CDYL: variants seen among roughly 807,000 people sequenced by gnomAD.
The protein encoded by CDYL is chromodomain Y like, also known as chromodomain Y-like protein.
Under a neutral mutation model 47.3 loss-of-function variants are expected in CDYL, and 8 were observed. The observed-to-expected ratio is 0.17, with a 90% CI of 0.10 to 0.31. CDYL has a LOEUF of 0.31. CDYL is among the 10% of genes least tolerant of loss of function. The pLI, the probability that CDYL is intolerant of heterozygous loss-of-function variation, is 1.00. For synonymous variants in CDYL, 266 were observed against 265.0 expected (o/e 1.00, Z -0.04); for missense variants, 471 against 701.4 (o/e 0.67, Z 3.71).
intron 1 of CDYL, among the ~76,000 whole-genome samples, chr6:4,787,921 G>A (rs963578431): frequency 8.6e-5 from 13 of 151,784 alleles, no homozygotes; most frequent in African/African-American, 1.4e-4. Context: ...ACAGGTGTGC[G>A]CCACCACGCC....
chr6:4,748,552 A>G (rs1203108247), intron 3 of CDYL, among the ~76,000 whole-genome samples: 1 of 151,942 alleles, frequency 6.6e-6, no homozygotes, highest in Non-Finnish European at 1.5e-5. Context: ...GAAGTTCGGG[A>G]AGCCAAGAGG....
At position 4,892,024 on chromosome 6, in the gene CDYL, G is replaced by A. The variant is rs1436115080; in HGVS notation, c.336G>A (p.Leu112=). ...GKDHESKNSQ[L]FAASQKFRKN... ...ACCACGAATCCAAAAACAGCCAGCT[G>A]TTTGCTGCCAGCCAGAAGTTCAGGA... Residue 112 remains leucine (L), a synonymous_variant, in exon 2 of 7, where the codon CTG becomes CTA. Coordinates refer to ENST00000397588, the MANE Select transcript of CDYL (RefSeq NM_004824.4). The A allele has an allele frequency of 6.2e-7, 1 of 1,614,218 alleles. No homozygotes were observed. The highest frequency in any genetic ancestry group is 1.6e-4 in the Middle Eastern group (1 of 6,062).
At chr6:4,796,965 A>G (rs1408430579) in intron 1 of CDYL, among the ~76,000 whole-genome samples, 25 of 152,310 alleles carry the variant, frequency 1.6e-4, no homozygotes, top group Admixed American at 1.6e-3. Flanking sequence ...GTTGAACTAT[A>G]CAGATTCTGT....
intron 1 of CDYL, among the ~76,000 whole-genome samples, chr6:4,823,137 A>G (rs1759886507): frequency 6.6e-6 from 1 of 152,254 alleles, no homozygotes; most frequent in African/African-American, 2.4e-5. Flanking sequence ...AACAAGGAGT[A>G]GATAAGTTTA....
chr6:4,819,160 C>CTGTGTGTGTGTGTGTG (rs1242099604), intron 1 of CDYL, among the ~76,000 whole-genome samples: 2 of 124,032 alleles, frequency 1.6e-5, no homozygotes, highest in African/African-American at 8.9e-5. Flanking sequence ...CTCTCTCTCT[C>CTGTGTGTGTGTGTGTG]TCTGTGTGTG....
intron 5 of CDYL, among the ~76,000 whole-genome samples, chr6:4,949,706 T>G (rs1022691292): frequency 2.0e-5 from 3 of 152,348 alleles, no homozygotes; most frequent in Non-Finnish European, 2.9e-5. Flanking sequence ...TTGAAACCTC[T>G]CATTTTGAAA....
intron 2 of CDYL, chr6:4,724,381 G>C (rs145171847): frequency 7.9e-5 from 12 of 152,314 alleles, no homozygotes; most frequent in African/African-American, 2.6e-4. Flanking sequence ...AAAGGTGAGG[G>C]TGTCTTTCGT....
At chr6:4,905,151 C>T (rs1456639071) in intron 2 of CDYL, among the ~76,000 whole-genome samples, 1 of 152,160 alleles carries the variant, frequency 6.6e-6, no homozygotes, top group Non-Finnish European at 1.5e-5. Context: ...GACCGTGTGT[C>T]CGTCTTACTG....
At chr6:4,784,977 A>G (rs1758715767) in intron 1 of CDYL, among the ~76,000 whole-genome samples, 1 of 152,158 alleles carries the variant, frequency 6.6e-6, no homozygotes, top group East Asian at 1.9e-4. Flanking sequence ...CATGATTGTG[A>G]GGCCCCCCCA....
At chr6:4,716,804 AGGTGCTTCAG>A (rs1431435618) in intron 2 of CDYL, among the ~76,000 whole-genome samples, 1 of 152,160 alleles carries the variant, frequency 6.6e-6, no homozygotes, top group Non-Finnish European at 1.5e-5. Flanking sequence ...GCATGGAGCA[AGGTGCTTCAG>A]GGTGTTTAGC....
At chr6:4,716,777 T>C (rs1303321730) in intron 2 of CDYL, among the ~76,000 whole-genome samples, 1 of 151,860 alleles carries the variant, frequency 6.6e-6, no homozygotes, top group African/African-American at 2.4e-5. Context: ...CCGTATACGG[T>C]GTTGGGTGCA....
At chr6:4,931,671 T>G (rs968301535) in intron 2 of CDYL, among the ~76,000 whole-genome samples, 2 of 152,144 alleles carry the variant, frequency 1.3e-5, no homozygotes, top group Non-Finnish European at 2.9e-5. Flanking sequence ...AGTGCAAAGT[T>G]CAGTGTCACA....
chr6:4,860,314 C>G (rs536426115), intron 1 of CDYL, among the ~76,000 whole-genome samples: 410 of 151,712 alleles, frequency 2.7e-3, no homozygotes, highest in African/African-American at 9.6e-3. Context: ...TTGTTACCAC[C>G]GGTTCTTGCC....
chr6:4,932,885 G>A (rs1758073030), intron 2 of CDYL, among the ~76,000 whole-genome samples: 1 of 152,090 alleles, frequency 6.6e-6, no homozygotes, highest in South Asian at 2.1e-4. Flanking sequence ...TTTATTGATC[G>A]ATTTTTAGTT....
intron 3 of CDYL, among the ~76,000 whole-genome samples, chr6:4,750,189 T>C (rs935958437): frequency 6.6e-6 from 1 of 151,866 alleles, no homozygotes; most frequent in African/African-American, 2.4e-5. Context: ...AAAAAGTTTT[T>C]ATTTAATTTA....
chr6:4,797,329 G>A (rs1014972112), intron 1 of CDYL, among the ~76,000 whole-genome samples: 8 of 151,728 alleles, frequency 5.3e-5, no homozygotes, highest in African/African-American at 1.7e-4. Flanking sequence ...TAAATTTCCC[G>A]ACATTTCATT....
intron 3 of CDYL, among the ~76,000 whole-genome samples, chr6:4,737,382 G>A (rs908057029): frequency 3.3e-5 from 5 of 152,068 alleles, no homozygotes; most frequent in African/African-American, 1.2e-4. Context: ...GCCAGGCGCA[G>A]TGGCTCACGC....
chr6:4,838,751 A>G (rs1760399670), intron 1 of CDYL, among the ~76,000 whole-genome samples: 1 of 151,472 alleles, frequency 6.6e-6, no homozygotes, highest in East Asian at 1.9e-4. Context: ...CAGTGGTGCC[A>G]TCTCAGCTCA....
chr6:4,753,528 T>A (rs150274728), intron 3 of CDYL, among the ~76,000 whole-genome samples: 12 of 152,340 alleles, frequency 7.9e-5, no homozygotes, highest in African/African-American at 2.9e-4. Context: ...CTGCTGGATA[T>A]CCTAAAATTT....
Sources: allele counts gnomAD v4.1 joint callset (sites outside exome capture counted in the v4.1 genomes callset), GRCh38; gene constraint gnomAD v4.1.1; transcripts MANE v1.5; gene names NCBI Gene and HGNC (gene_info 2026-07-23, HGNC 2026-07-21).